Variants in MACROD2 observed in about 807,000 individuals in gnomAD.
MACROD2 encodes ADP-ribose glycohydrolase MACROD2.
Under a neutral mutation model 70.4 loss-of-function variants are expected in MACROD2, and 36 were observed. That is an observed-to-expected ratio of 0.51 (90% confidence interval 0.39 to 0.68). The LOEUF is 0.68. MACROD2 is among the 30% of genes least tolerant of loss of function. The pLI is 0.00. For synonymous variants in MACROD2, 172 were observed against 178.8 expected (o/e 0.96, Z 0.30); for missense variants, 496 against 538.4 (o/e 0.92, Z 0.78).
chr20:14,568,136 G>T (rs1447844717), intron 4 of MACROD2, among the ~76,000 whole-genome samples: 1 of 151,988 alleles, frequency 6.6e-6, no homozygotes, highest in East Asian at 1.9e-4. Context: ...GCATACTTTT[G>T]TGTTACCTTT....
At chr20:14,920,526 G>T (rs367763841) in intron 5 of MACROD2, among the ~76,000 whole-genome samples, 1 of 151,886 alleles carries the variant, frequency 6.6e-6, no homozygotes, top group African/African-American at 2.4e-5. Flanking sequence ...ATTTCTTTGC[G>T]CTCTCATTTA....
At chr20:15,141,710 C>CT (rs1354880641) in intron 5 of MACROD2, among the ~76,000 whole-genome samples, 1 of 152,110 alleles carries the variant, frequency 6.6e-6, no homozygotes, top group Admixed American at 6.6e-5. Context: ...TTCTTTGCCA[C>CT]TTTTGTTTCA....
intron 7 of MACROD2, among the ~76,000 whole-genome samples, chr20:15,494,940 A>G (rs994852798): frequency 1.3e-5 from 2 of 152,236 alleles, no homozygotes; most frequent in Non-Finnish European, 1.5e-5. Flanking sequence ...TTGGAATGCC[A>G]GTAGAAGCAC....
At chr20:14,029,330 A>G (rs1455379822) in intron 2 of MACROD2, among the ~76,000 whole-genome samples, 1 of 152,180 alleles carries the variant, frequency 6.6e-6, no homozygotes, top group Non-Finnish European at 1.5e-5. Context: ...GAACATATAT[A>G]GTATGTTGAA....
At chr20:14,876,315 G>T (rs2073550380) in intron 5 of MACROD2, among the ~76,000 whole-genome samples, 2 of 151,950 alleles carry the variant, frequency 1.3e-5, no homozygotes, top group African/African-American at 4.8e-5. Context: ...TTTTAATAGG[G>T]TTGTTTTTTG....
At chr20:14,038,876 T>A (rs2053352417) in intron 2 of MACROD2, among the ~76,000 whole-genome samples, 1 of 152,176 alleles carries the variant, frequency 6.6e-6, no homozygotes, top group Non-Finnish European at 1.5e-5. Context: ...TATTTGCACT[T>A]AAGATCTGTT....
At chr20:14,174,778 G>A (rs2081250190) in intron 3 of MACROD2, among the ~76,000 whole-genome samples, 1 of 152,098 alleles carries the variant, frequency 6.6e-6, no homozygotes, top group Non-Finnish European at 1.5e-5. Flanking sequence ...AGTTCCTTTG[G>A]CAGCCCTTCC....
At chr20:14,153,475 G>A (rs746769045) in intron 3 of MACROD2, among the ~76,000 whole-genome samples, 7 of 152,258 alleles carry the variant, frequency 4.6e-5, no homozygotes, top group Non-Finnish European at 1.0e-4. Flanking sequence ...GCCTTCTGGG[G>A]CTACTGGTTT....
At chr20:14,632,394 C>A (rs1378268543) in intron 4 of MACROD2, among the ~76,000 whole-genome samples, 1 of 152,066 alleles carries the variant, frequency 6.6e-6, no homozygotes, top group Admixed American at 6.6e-5. Context: ...TAGGTAAAAA[C>A]AAATTTGTAA....
intron 3 of MACROD2, chr20:14,128,329 TAA>T (rs1222457482): frequency 1.8e-4 from 30 of 165,944 alleles, no homozygotes; most frequent in South Asian, 1.7e-4. Context: ...AACAGTGGAA[TAA>T]AATAAAACAA....
intron 8 of MACROD2, among the ~76,000 whole-genome samples, chr20:15,635,236 G>A (rs1423311496): frequency 1.3e-5 from 2 of 152,204 alleles, no homozygotes; most frequent in Non-Finnish European, 2.9e-5. Flanking sequence ...AAGAGTTATA[G>A]TTTACTGAGT....
chr20:15,702,224 C>A (rs926195508), intron 8 of MACROD2, among the ~76,000 whole-genome samples: 9 of 152,290 alleles, frequency 5.9e-5, no homozygotes, highest in South Asian at 2.1e-4. Context: ...ATTTTAAGTT[C>A]TTTGAGAAAT....
chr20:14,481,031 T>A (rs918010175), intron 3 of MACROD2, among the ~76,000 whole-genome samples: 7 of 152,130 alleles, frequency 4.6e-5, no homozygotes, highest in African/African-American at 1.7e-4. Context: ...AGATTCTCTA[T>A]TTGATTGTCC....
intron 3 of MACROD2, among the ~76,000 whole-genome samples, chr20:14,185,889 T>G (rs2081340350): frequency 6.6e-6 from 1 of 152,304 alleles, no homozygotes; most frequent in Middle Eastern, 3.4e-3. Context: ...AATACTACAT[T>G]ATATAAATAT....
intron 3 of MACROD2, among the ~76,000 whole-genome samples, chr20:14,256,658 C>T (rs2082059247): frequency 6.6e-6 from 1 of 152,126 alleles, no homozygotes; most frequent in Non-Finnish European, 1.5e-5. Context: ...TTGCACTCTT[C>T]CTAAGGTCTC....
chr20:15,613,380 C>A (rs6105442), intron 8 of MACROD2, among the ~76,000 whole-genome samples: 2 of 152,286 alleles, frequency 1.3e-5, no homozygotes, highest in Middle Eastern at 6.8e-3. Flanking sequence ...CAGAAATCAC[C>A]TTACTTCAAA....
chr20:15,489,826 G>A (rs1022654186), intron 7 of MACROD2, among the ~76,000 whole-genome samples: 2 of 152,090 alleles, frequency 1.3e-5, no homozygotes, highest in African/African-American at 2.4e-5. Flanking sequence ...AGGGTATGGA[G>A]GGGGTGTGGG....
intron 2 of MACROD2, among the ~76,000 whole-genome samples, chr20:14,078,165 G>T (rs1013143574): frequency 3.9e-5 from 6 of 152,074 alleles, no homozygotes; most frequent in Non-Finnish European, 8.8e-5. Flanking sequence ...GCCTCCCAAA[G>T]TGCTGGGATT....
chr20:14,042,015 T>A (rs2053397806), intron 2 of MACROD2, among the ~76,000 whole-genome samples: 1 of 151,824 alleles, frequency 6.6e-6, no homozygotes, highest in Non-Finnish European at 1.5e-5. Flanking sequence ...AGAGGAAAAA[T>A]TAACAGTGTA....
Sources: gnomAD v4.1 joint callset for allele counts (sites outside exome capture counted in the v4.1 genomes callset) on GRCh38, gnomAD v4.1.1 for gene constraint, MANE v1.5 for transcripts, NCBI Gene and HGNC (gene_info 2026-07-23, HGNC 2026-07-21) for gene names.